Variants in DNAJC6 observed in about 807,000 individuals in gnomAD.
The protein encoded by DNAJC6 is auxilin.
A neutral mutation model predicts 110.0 loss-of-function variants in DNAJC6; 34 were observed. That is an observed-to-expected ratio of 0.31 (90% CI 0.24 to 0.41). DNAJC6 has a LOEUF of 0.41. DNAJC6 is among the 10% of genes least tolerant of loss of function. The pLI is 1.00. For synonymous variants in DNAJC6, 406 were observed against 437.2 expected (o/e 0.93, Z 0.89); for missense variants, 1,031 against 1,207.8 (o/e 0.85, Z 2.17).
chr1:65,351,325 C>T (rs1645488141), intron 1 of DNAJC6, among the ~76,000 whole-genome samples: 1 of 152,044 alleles, frequency 6.6e-6, no homozygotes, highest in Non-Finnish European at 1.5e-5. Flanking sequence ...GAGCTCAAGT[C>T]CAATACCATT....
chr1:65,413,077 G>A lies in DNAJC6; in HGVS notation c.*52G>A. 5 of 1,537,154 alleles carry A rather than the reference G, an allele frequency of 3.3e-6. No individual in the cohort carries two copies. Among genetic ancestry groups the A allele is most frequent in the Non-Finnish European group, 4.5e-6 (5 of 1,121,122 alleles). On this transcript the variant is annotated 3_prime_UTR_variant, in exon 19 of 19. Coordinates refer to ENST00000371069, the MANE Select transcript of DNAJC6 (RefSeq NM_001256864.2). ...AGACCTGTGCTAATGCTTAGTGTGT[G>A]TCACAATTCTGAGGTTTTCGCAGAT...
At chr1:65,395,853 T>C (rs1318044685) in intron 13 of DNAJC6, among the ~76,000 whole-genome samples, 1 of 152,184 alleles carries the variant, frequency 6.6e-6, no homozygotes, top group Non-Finnish European at 1.5e-5. Flanking sequence ...GTCACTTAGG[T>C]AACATTGATT....
At chr1:65,363,295 G>A (rs1026044694) in intron 1 of DNAJC6, among the ~76,000 whole-genome samples, 1 of 152,078 alleles carries the variant, frequency 6.6e-6, no homozygotes, top group African/African-American at 2.4e-5. Flanking sequence ...GGTCACCTGG[G>A]TCATCAAAGG....
chr1:65,345,739 T>C lies in DNAJC6; in HGVS notation c.194-18896T>C, dbSNP rs561856067. 4.1e-4 allele frequency: 392 copies of C among 953,536 alleles called. 4 individuals are homozygous for C. The African/African-American group carries it at 6.0e-3, about 15-fold the overall frequency. 59.1% of individuals were successfully genotyped at this position (953,536 alleles called of 1,614,324 possible). On this transcript the variant is annotated intron_variant, in intron 1 of 18. Coordinates refer to ENST00000371069, the MANE Select transcript of DNAJC6 (RefSeq NM_001256864.2). The stretch of plus-strand genomic sequence containing the variant: ...TACCCACCAGGTAAGGGTGTACTTT[T>C]GGCCTTTGGGATTTAGCCCATGTCT...
At chr1:65,327,954 A>G (rs935769357) in intron 1 of DNAJC6, among the ~76,000 whole-genome samples, 1 of 152,184 alleles carries the variant, frequency 6.6e-6, no homozygotes, top group African/African-American at 2.4e-5. Context: ...GGCACAAGCA[A>G]TTCTCCCACC....
intron 4 of DNAJC6, among the ~76,000 whole-genome samples, chr1:65,368,585 C>CTCT (rs71895115): frequency 2.3e-4 from 34 of 145,074 alleles, no homozygotes; most frequent in Admixed American, 8.3e-4. Flanking sequence ...CTTCTTCCTC[C>CTCT]TCTTCTTCTT....
At chr1:65,312,226 A>G (rs1263189238) in intron 1 of DNAJC6, among the ~76,000 whole-genome samples, 1 of 152,094 alleles carries the variant, frequency 6.6e-6, no homozygotes, top group Non-Finnish European at 1.5e-5. Flanking sequence ...TCACTCCTAT[A>G]TTTTATTAGG....
At chr1:65,391,172 A>G (rs529050784) in intron 11 of DNAJC6, among the ~76,000 whole-genome samples, 1 of 152,340 alleles carries the variant, frequency 6.6e-6, no homozygotes, top group South Asian at 2.1e-4. Flanking sequence ...CTGCAGTAGA[A>G]CATATAAACA....
intron 8 of DNAJC6, among the ~76,000 whole-genome samples, chr1:65,387,530 A>AT (rs1418012225): frequency 2.6e-5 from 4 of 152,146 alleles, no homozygotes; most frequent in Non-Finnish European, 4.4e-5. Context: ...GGGACATTTT[A>AT]TTTAATGGAA....
chr1:65,393,905 G>A (rs571388469), intron 12 of DNAJC6, among the ~76,000 whole-genome samples: 4 of 152,050 alleles, frequency 2.6e-5, no homozygotes, highest in Non-Finnish European at 4.4e-5. Context: ...ATGAGTGTGG[G>A]TCTCAGAATT....
upstream of DNAJC6, chr1:65,309,459 G>C (rs1338964225): frequency 5.3e-6 from 5 of 947,906 alleles, no homozygotes; most frequent in African/African-American, 1.8e-5. Context: ...CGGCAGGGCC[G>C]GGCGGCTCCG....
At position 65,405,885 on chromosome 1, in the gene DNAJC6, C is replaced by T; in HGVS notation, c.2243C>T (p.Ala748Val). The change falls in exon 16 of 19, where the codon GCC (alanine) becomes GTC (valine). Residue 748 changes from alanine to valine, a missense_variant. Transcript: ENST00000371069. ...TTTTCTTTAGGTAGTTCTTCCTTTG[C>T]CAGCAAACCCACCACACCAACTGGA... is the stretch of plus-strand genomic sequence containing the variant. ...DLGTLGSSSF[A>V]SKPTTPTGLG... The T allele has an allele frequency of 6.2e-7, 1 of 1,601,744 alleles. No individual in the cohort carries two copies. The highest frequency in any genetic ancestry group is 8.5e-7 in the Non-Finnish European group (1 of 1,173,554).
chr1:65,387,146 C>T (rs557008867), intron 8 of DNAJC6, among the ~76,000 whole-genome samples: 29 of 152,258 alleles, frequency 1.9e-4, no homozygotes, highest in Non-Finnish European at 2.4e-4. Flanking sequence ...GCATGATGTC[C>T]GTGCCAGAGG....
At chr1:65,321,017 G>A (rs1645192817) in intron 1 of DNAJC6, among the ~76,000 whole-genome samples, 1 of 152,178 alleles carries the variant, frequency 6.6e-6, no homozygotes, top group African/African-American at 2.4e-5. Context: ...CTGGTGCTTA[G>A]TGAACTAGGA....
upstream of DNAJC6, among the ~76,000 whole-genome samples, chr1:65,307,018 C>CTCTATATATATA (rs1465563773): frequency 1.4e-5 from 1 of 70,704 alleles, no homozygotes; most frequent in Non-Finnish European, 2.8e-5. Flanking sequence ...CTCTCTCTCT[C>CTCTATATATATA]TATATATATA....
chr1:65,410,300 A>G (rs1359434834), intron 17 of DNAJC6, among the ~76,000 whole-genome samples: 4 of 152,202 alleles, frequency 2.6e-5, no homozygotes, highest in Non-Finnish European at 4.4e-5. Context: ...TATACATCTA[A>G]TATAACTTAG....
chr1:65,275,080 C>T (rs1351435574), intron 1 of DNAJC6, among the ~76,000 whole-genome samples: 1 of 152,112 alleles, frequency 6.6e-6, no homozygotes, highest in African/African-American at 2.4e-5. Context: ...TTTAATTATA[C>T]ATTTATTAAA....
At chr1:65,336,023 A>G (rs1289544295) in intron 1 of DNAJC6, among the ~76,000 whole-genome samples, 1 of 152,186 alleles carries the variant, frequency 6.6e-6, no homozygotes, top group African/African-American at 2.4e-5. Flanking sequence ...TGTATGTGGT[A>G]ATATAAAAAT....
chr1:65,404,211 T>G (rs988468938), intron 15 of DNAJC6, among the ~76,000 whole-genome samples: 3 of 152,202 alleles, frequency 2.0e-5, no homozygotes, highest in African/African-American at 7.2e-5. Context: ...TGTCATTACA[T>G]TTTCCTATCA....
Sources: allele counts gnomAD v4.1 joint callset (sites outside exome capture counted in the v4.1 genomes callset), GRCh38; gene constraint gnomAD v4.1.1; transcripts MANE v1.5; gene names NCBI Gene and HGNC (gene_info 2026-07-23, HGNC 2026-07-21).